The following BNC2 variants were observed in gnomAD, a reference collection of about 807,000 sequenced individuals.
The protein encoded by BNC2 is zinc finger protein basonuclin-2.
A neutral mutation model predicts 76.3 loss-of-function variants in BNC2; 20 were observed. The ratio of observed to expected loss-of-function variants is 0.26; its 90% CI spans 0.18 to 0.38. The LOEUF is 0.38. Among genes scored for constraint, BNC2 ranks in the 10% least tolerant of loss-of-function variants. BNC2 has a pLI of 1.00. For synonymous variants in BNC2, 582 were observed against 514.8 expected, an observed-to-expected ratio of 1.13 and a Z score of -1.77; for missense variants, 1,382 against 1,399.8, an observed-to-expected ratio of 0.99 and a Z score of 0.20.
At chr9:16,794,943 T>C (rs1485850172) in intron 1 of BNC2, among the ~76,000 whole-genome samples, 1 of 152,074 alleles carries the variant, frequency 6.6e-6, no homozygotes, top group East Asian at 1.9e-4. Flanking sequence ...ATTTGGGCCT[T>C]TAGTGATAAG....
intron 1 of BNC2, among the ~76,000 whole-genome samples, chr9:16,848,257 T>G (rs1015308912): frequency 2.6e-5 from 4 of 152,196 alleles, no homozygotes; most frequent in Non-Finnish European, 5.9e-5. Context: ...GTCTGACAGC[T>G]TCCATCTCCC....
intron 1 of BNC2, among the ~76,000 whole-genome samples, chr9:16,856,495 ACTT>A (rs1819262140): frequency 6.6e-6 from 1 of 152,118 alleles, no homozygotes; most frequent in South Asian, 2.1e-4. Flanking sequence ...CTGGACTTGT[ACTT>A]CTAGACTCAA....
chr9:16,607,065 A>T (rs1194196459), intron 3 of BNC2, among the ~76,000 whole-genome samples: 1 of 152,012 alleles, frequency 6.6e-6, no homozygotes, highest in Admixed American at 6.5e-5. Context: ...TTCCTGTCTC[A>T]GCCTCCCAAG....
At chr9:16,806,048 G>C (rs1041169187) in intron 1 of BNC2, among the ~76,000 whole-genome samples, 6 of 152,154 alleles carry the variant, frequency 3.9e-5, no homozygotes, top group Non-Finnish European at 5.9e-5. Context: ...ACCAAACTGA[G>C]GGAAAGTCTC....
chr9:16,478,743 C>A, intron 5 of BNC2, among the ~76,000 whole-genome samples: 1 of 152,070 alleles, frequency 6.6e-6, no homozygotes, highest in African/African-American at 2.4e-5. Flanking sequence ...AACCATACAG[C>A]TGCTGGCAAA....
At chr9:16,607,506 C>T (rs1037615727) in intron 3 of BNC2, among the ~76,000 whole-genome samples, 4 of 152,106 alleles carry the variant, frequency 2.6e-5, no homozygotes, top group Non-Finnish European at 4.4e-5. Context: ...AACGGCTACA[C>T]TTTAGGGTAA....
intron 3 of BNC2, among the ~76,000 whole-genome samples, chr9:16,716,519 T>G (rs901244227): frequency 6.6e-6 from 1 of 152,240 alleles, no homozygotes; most frequent in African/African-American, 2.4e-5. Context: ...TCCCAATCAA[T>G]CACAACGACA....
chr9:16,572,866 T>C (rs1275541389), intron 4 of BNC2, among the ~76,000 whole-genome samples: 1 of 152,156 alleles, frequency 6.6e-6, no homozygotes, highest in African/African-American at 2.4e-5. Context: ...CAAACCACTT[T>C]AACCTAGGCT....
intron 3 of BNC2, among the ~76,000 whole-genome samples, chr9:16,623,423 G>A (rs182526385): frequency 3.9e-5 from 6 of 152,216 alleles, no homozygotes; most frequent in African/African-American, 1.4e-4. Flanking sequence ...CTAAAGAAAC[G>A]AAAAGACCAA....
At chr9:16,665,386 A>AAAAGAGAGAGAGAGAGAG (rs1554702315) in intron 3 of BNC2, among the ~76,000 whole-genome samples, 1 of 84,300 alleles carries the variant, frequency 1.2e-5, no homozygotes, top group African/African-American at 4.9e-5. Context: ...AAAAAAAAAA[A>AAAAGAGAGAGAGAGAGAG]AGAGAGAGAG....
intron 3 of BNC2, among the ~76,000 whole-genome samples, chr9:16,641,725 T>C (rs935325508): frequency 1.3e-5 from 2 of 152,172 alleles, no homozygotes; most frequent in Non-Finnish European, 2.9e-5. Context: ...TGGGGGCATA[T>C]GGATTAAATG....
At chr9:16,604,924 GTTT>G (rs1820340919) in intron 3 of BNC2, among the ~76,000 whole-genome samples, 1 of 152,278 alleles carries the variant, frequency 6.6e-6, no homozygotes, top group African/African-American at 2.4e-5. Context: ...GTGTCAGTCT[GTTT>G]TTGTGTGTTT....
chr9:16,698,998 A>C (rs1052723654), intron 3 of BNC2, among the ~76,000 whole-genome samples: 2 of 152,250 alleles, frequency 1.3e-5, no homozygotes, highest in African/African-American at 4.8e-5. Context: ...TTAAAAATTA[A>C]TATCAGTATG....
chr9:16,562,150 T>A (rs1483750326), intron 4 of BNC2, among the ~76,000 whole-genome samples: 2 of 152,204 alleles, frequency 1.3e-5, no homozygotes, highest in Non-Finnish European at 2.9e-5. Flanking sequence ...AAATGGGCAA[T>A]GATAATGAAC....
intron 5 of BNC2, among the ~76,000 whole-genome samples, chr9:16,539,431 G>C (rs574675296): frequency 6.6e-6 from 1 of 151,300 alleles, no homozygotes; most frequent in Non-Finnish European, 1.5e-5. Flanking sequence ...GGGAGGCTGA[G>C]GTGGGAGGAT....
At chr9:16,493,107 T>C (rs1320604330) in intron 5 of BNC2, among the ~76,000 whole-genome samples, 1 of 152,158 alleles carries the variant, frequency 6.6e-6, no homozygotes, top group African/African-American at 2.4e-5. Context: ...TTAAGCCACT[T>C]TGTTTTCACG....
chr9:16,652,208 C>T (rs1375544754), intron 3 of BNC2, among the ~76,000 whole-genome samples: 1 of 152,066 alleles, frequency 6.6e-6, no homozygotes, highest in East Asian at 1.9e-4. Context: ...ACATAAGAAA[C>T]CAAAATAATT....
chr9:16,615,029 A>C (rs1199394022), intron 3 of BNC2, among the ~76,000 whole-genome samples: 8 of 148,350 alleles, frequency 5.4e-5, no homozygotes, highest in Non-Finnish European at 7.4e-5. Flanking sequence ...TTACCTTTCC[A>C]CATACAAGAA....
rs537340799 is a variant in BNC2 at position 16,632,803 on chromosome 9, T to G, written c.331-49718A>C. On this transcript the variant is annotated intron_variant, in intron 3 of 6. Coordinates refer to ENST00000380672, the MANE Select transcript of BNC2 (RefSeq NM_017637.6). ...GATGCAAATTTTGATGAGTCAAATT[T>G]TAGCACCAACTTTTATGCAAAAGTC... 4.2e-4 allele frequency among the ~76,000 whole-genome samples: 64 copies of G among 152,302 alleles called. 1 individual carries two copies. Among genetic ancestry groups the G allele is most frequent in the Non-Finnish European group, 3.4e-4 (23 of 68,014 alleles).
Sources: allele counts gnomAD v4.1 joint callset (sites outside exome capture counted in the v4.1 genomes callset), GRCh38; gene constraint gnomAD v4.1.1; transcripts MANE v1.5; gene names NCBI Gene and HGNC (gene_info 2026-07-23, HGNC 2026-07-21).